NRG3: variants seen among roughly 807,000 people sequenced by gnomAD.
The protein encoded by NRG3 is neuregulin 3.
A neutral mutation model predicts 66.9 loss-of-function variants in NRG3; 31 were observed. The observed-to-expected ratio is 0.46, with a 90% confidence interval of 0.35 to 0.63. The LOEUF is 0.63. NRG3 is among the 20% of genes least tolerant of loss of function. NRG3 has a pLI of 0.00. For synonymous variants in NRG3, 393 were observed against 359.4 expected (o/e 1.09, Z -1.06); for missense variants, 910 against 878.9 (o/e 1.04, Z -0.45).
intron 4 of NRG3, among the ~76,000 whole-genome samples, chr10:82,893,777 G>A (rs957983578): frequency 7.2e-5 from 11 of 152,020 alleles, no homozygotes; most frequent in Non-Finnish European, 1.3e-4. Flanking sequence ...GTAAATTTAT[G>A]AACTTTTCTT....
intron 1 of NRG3, among the ~76,000 whole-genome samples, chr10:82,204,685 T>A (rs1200106245): frequency 6.6e-6 from 1 of 152,192 alleles, no homozygotes; most frequent in African/African-American, 2.4e-5. Context: ...TCTTCATTGC[T>A]AGGTATAAAA....
At chr10:82,569,270 A>G (rs1565080175) in intron 2 of NRG3, among the ~76,000 whole-genome samples, 1 of 151,718 alleles carries the variant, frequency 6.6e-6, no homozygotes, top group Non-Finnish European at 1.5e-5. Context: ...CTAATGTAAA[A>G]TGAGCATTGG....
chr10:82,952,405 C>G (rs1849608542), intron 5 of NRG3, among the ~76,000 whole-genome samples: 1 of 148,796 alleles, frequency 6.7e-6, no homozygotes, highest in Admixed American at 6.8e-5. Context: ...TACACTGCAG[C>G]CTCGGGGACA....
chr10:82,985,653 G>C lies in NRG3; in HGVS notation c.*48G>C. ...ATTCTATGCTTTGCTCAACAGGAAA[G>C]AGAGGAAATCAAATACAAATTATTT... On this transcript the variant is annotated 3_prime_UTR_variant, in exon 9 of 9. Transcript: ENST00000372141. 1 of 1,551,260 alleles carries C rather than the reference G, an allele frequency of 6.4e-7. No individual in the cohort carries two copies. Among genetic ancestry groups the C allele is most frequent in the South Asian group, 1.2e-5 (1 of 82,700 alleles).
chr10:82,345,738 C>G (rs1198176743), intron 1 of NRG3, among the ~76,000 whole-genome samples: 1 of 151,748 alleles, frequency 6.6e-6, no homozygotes, highest in Non-Finnish European at 1.5e-5. Context: ...CTTTTATTTC[C>G]TTGAGCAGTG....
intron 1 of NRG3, among the ~76,000 whole-genome samples, chr10:81,976,592 A>G (rs2060131998): frequency 6.6e-6 from 1 of 152,200 alleles, no homozygotes; most frequent in Admixed American, 6.5e-5. Flanking sequence ...TGGGTTTTTC[A>G]AAGAACGTGA....
At chr10:82,172,607 A>G (rs78197507) in intron 1 of NRG3, among the ~76,000 whole-genome samples, 1 of 152,214 alleles carries the variant, frequency 6.6e-6, no homozygotes, top group East Asian at 1.9e-4. Context: ...GCTTGATTAT[A>G]TATGAAAACA....
At chr10:82,928,654 G>C (rs1847254270) in intron 4 of NRG3, among the ~76,000 whole-genome samples, 1 of 150,312 alleles carries the variant, frequency 6.7e-6, no homozygotes, top group African/African-American at 2.4e-5. Flanking sequence ...TGTTCAAAGA[G>C]TAAATATCTA....
chr10:82,533,247 G>A (rs2132667100), intron 2 of NRG3, among the ~76,000 whole-genome samples: 1 of 152,100 alleles, frequency 6.6e-6, no homozygotes, highest in East Asian at 1.9e-4. Context: ...TCTGTAGGTT[G>A]ACTTTTCATT....
At chr10:82,215,809 T>C (rs1055779299) in intron 1 of NRG3, among the ~76,000 whole-genome samples, 3 of 139,924 alleles carry the variant, frequency 2.1e-5, no homozygotes, top group African/African-American at 8.3e-5. Context: ...TGTACTTTTA[T>C]GCAATTTGAT....
At chr10:82,034,843 G>A (rs2062726770) in intron 1 of NRG3, among the ~76,000 whole-genome samples, 1 of 151,950 alleles carries the variant, frequency 6.6e-6, no homozygotes, top group African/African-American at 2.4e-5. Flanking sequence ...GACTTGTTGA[G>A]AGACCCCAGA....
intron 1 of NRG3, among the ~76,000 whole-genome samples, chr10:82,346,059 C>G (rs1296342068): frequency 6.6e-6 from 1 of 150,448 alleles, no homozygotes; most frequent in African/African-American, 2.5e-5. Flanking sequence ...CCTTTATTTC[C>G]TTCTCCTGCC....
At chr10:82,883,650 TTCTC>T (rs1304417411) in intron 4 of NRG3, among the ~76,000 whole-genome samples, 1 of 152,166 alleles carries the variant, frequency 6.6e-6, no homozygotes, top group East Asian at 1.9e-4. Flanking sequence ...TTATCTTGGC[TTCTC>T]TCTAAGTCTT....
intron 1 of NRG3, among the ~76,000 whole-genome samples, chr10:82,315,846 A>G (rs2081266300): frequency 6.6e-6 from 1 of 151,872 alleles, no homozygotes; most frequent in Admixed American, 6.6e-5. Context: ...TTATATTTTT[A>G]GTAGAGACAG....
At position 82,942,241 on chromosome 10, in the gene NRG3, C is replaced by A. The variant is rs184775124; in HGVS notation, c.1055-9228C>A. Among the ~76,000 whole-genome samples the A allele has an allele frequency of 6.2e-4, 95 of 152,266 alleles. 1 individual carries two copies. The highest frequency in any genetic ancestry group is 1.6e-4 in the Non-Finnish European group (11 of 68,014). ...GGAGATCATGCTGTATCATGGTCTC[C>A]CACACCTCTGTCCTCCATACAGAGA... is the stretch of plus-strand genomic sequence containing the variant. On this transcript the variant is annotated intron_variant, in intron 4 of 8. Coordinates refer to ENST00000372141, the MANE Select transcript of NRG3 (RefSeq NM_001010848.4).
intron 2 of NRG3, among the ~76,000 whole-genome samples, chr10:82,388,944 G>A (rs1367507482): frequency 6.6e-6 from 1 of 152,140 alleles, no homozygotes; most frequent in Non-Finnish European, 1.5e-5. Context: ...AGGAGCCCGG[G>A]AATCTGCATT....
Position 82,358,717 on chromosome 10 carries a change from C to G in NRG3, c.824-22C>G, listed in dbSNP as rs2083933219. 1.9e-6 allele frequency: 3 copies of G among 1,613,864 alleles called. No individual in the cohort carries two copies. The East Asian group carries it at 6.7e-5, about 36-fold the overall frequency. On this transcript the variant is annotated intron_variant, in intron 1 of 8. Transcript: ENST00000372141. ...TCAGAATGTACTGCTGACAGCGTTT[C>G]CCCCTGTGCTTTCCCTGACAGATAC...
At chr10:82,910,927 C>T (rs924095053) in intron 4 of NRG3, among the ~76,000 whole-genome samples, 3 of 152,230 alleles carry the variant, frequency 2.0e-5, no homozygotes, top group African/African-American at 7.2e-5. Context: ...CATGGCACAA[C>T]ATCTGGCCTA....
chr10:82,244,918 G>C (rs1182276545), intron 1 of NRG3, among the ~76,000 whole-genome samples: 1 of 152,006 alleles, frequency 6.6e-6, no homozygotes, highest in Non-Finnish European at 1.5e-5. Flanking sequence ...TATTTTTGTA[G>C]AGACGGGGTT....
Sources: gnomAD v4.1 joint callset for allele counts (sites outside exome capture counted in the v4.1 genomes callset) on GRCh38, gnomAD v4.1.1 for gene constraint, MANE v1.5 for transcripts, NCBI Gene and HGNC (gene_info 2026-07-23, HGNC 2026-07-21) for gene names.